CERKL: variants seen among roughly 807,000 people sequenced by gnomAD.
The protein encoded by CERKL is ceramide kinase-like protein.
In CERKL, 61 loss-of-function variants were observed where a neutral mutation model predicts 63.4. The ratio of observed to expected loss-of-function variants is 0.96; its 90% CI spans 0.78 to 1.19. The LOEUF is 1.19. Ranked by LOEUF, CERKL falls within the 50% of genes most tolerant of loss-of-function variation. The pLI is 0.00. For missense variants in CERKL, 675 were observed against 655.5 expected, an observed-to-expected ratio of 1.03 and a Z score of -0.33; for synonymous variants, 250 against 230.5, an observed-to-expected ratio of 1.08 and a Z score of -0.77.
chr2:181,628,194 C>T (rs983868341), intron 1 of CERKL, among the ~76,000 whole-genome samples: 2 of 152,070 alleles, frequency 1.3e-5, no homozygotes, highest in Non-Finnish European at 2.9e-5. Context: ...AACGCAACAC[C>T]ATCAACTTCA....
chr2:181,629,642 A>G (rs904458206), intron 1 of CERKL, among the ~76,000 whole-genome samples: 1 of 152,158 alleles, frequency 6.6e-6, no homozygotes, highest in Non-Finnish European at 1.5e-5. Context: ...GCAAAAAAAA[A>G]AAAACTCAGT....
chr2:181,569,782 ATATCTCAATGACTCC>A (rs1688823380), intron 3 of CERKL, among the ~76,000 whole-genome samples: 1 of 152,176 alleles, frequency 6.6e-6, no homozygotes, highest in African/African-American at 2.4e-5. Context: ...CTCTCTTCAA[ATATCTCAATGACTCC>A]TATACAATAG....
At chr2:181,591,391 A>G (rs1405962215) in intron 2 of CERKL, among the ~76,000 whole-genome samples, 1 of 151,926 alleles carries the variant, frequency 6.6e-6, no homozygotes, top group Non-Finnish European at 1.5e-5. Context: ...GAAGATAGAG[A>G]GAAAAAAACT....
intron 1 of CERKL, among the ~76,000 whole-genome samples, chr2:181,626,948 G>A (rs1574512947): frequency 6.6e-6 from 1 of 152,232 alleles, no homozygotes; most frequent in East Asian, 1.9e-4. Flanking sequence ...TGATATGAGA[G>A]TAGCTGGATT....
intron 5 of CERKL, among the ~76,000 whole-genome samples, chr2:181,555,386 C>T (rs763662230): frequency 2.6e-5 from 4 of 152,132 alleles, no homozygotes; most frequent in Non-Finnish European, 5.9e-5. Context: ...CAAAATGCAT[C>T]ATTTTTCTCT....
chr2:181,646,712 AAG>A (rs1687686476), intron 1 of CERKL, among the ~76,000 whole-genome samples: 2 of 152,204 alleles, frequency 1.3e-5, no homozygotes. Flanking sequence ...TACAAAAACC[AAG>A]AGAGTTAAGT....
intron 3 of CERKL, 145 bp downstream of exon 3, chr2:181,573,608 G>A (rs564088335): frequency 1.1e-5 from 5 of 463,706 alleles, no homozygotes; most frequent in Non-Finnish European, 1.9e-5. Flanking sequence ...TATAACCCTC[G>A]AGCTGGCTGC....
At chr2:181,598,931 A>G (rs1010846032) in intron 2 of CERKL, among the ~76,000 whole-genome samples, 5 of 152,150 alleles carry the variant, frequency 3.3e-5, no homozygotes, top group African/African-American at 1.2e-4. Context: ...ATAAGAATCA[A>G]CAGCTCCCTC....
intron 1 of CERKL, among the ~76,000 whole-genome samples, chr2:181,641,257 C>T (rs967678022): frequency 6.1e-5 from 9 of 146,750 alleles, no homozygotes; most frequent in Non-Finnish European, 1.0e-4. Context: ...TTTGTACACA[C>T]AAAATATGTT....
intron 1 of CERKL, among the ~76,000 whole-genome samples, chr2:181,618,665 G>A (rs1686319591): frequency 6.6e-6 from 1 of 152,116 alleles, no homozygotes; most frequent in Non-Finnish European, 1.5e-5. Context: ...ACCCGCCTCG[G>A]CCTCGCATAG....
At chr2:181,616,454 C>T (rs555442710) in intron 1 of CERKL, among the ~76,000 whole-genome samples, 7 of 152,116 alleles carry the variant, frequency 4.6e-5, no homozygotes, top group South Asian at 2.1e-4. Flanking sequence ...CCTCGTGATC[C>T]GCCTGCCTCG....
chr2:181,586,069 T>C (rs1301082291), intron 2 of CERKL, among the ~76,000 whole-genome samples: 1 of 152,088 alleles, frequency 6.6e-6, no homozygotes, highest in Non-Finnish European at 1.5e-5. Context: ...AATGATGCAG[T>C]AAACCTATCT....
chr2:181,603,069 A>G (rs774980783), intron 2 of CERKL: 1 of 246,584 alleles, frequency 4.1e-6, no homozygotes, highest in South Asian at 4.2e-5. Context: ...ATTAAGAGAT[A>G]TATCCTAATA....
Position 181,649,264 on chromosome 2 carries a change from T to C in CERKL, c.238+7505A>G, listed in dbSNP as rs994089356. On this transcript the variant is annotated intron_variant, in intron 1 of 12. Coordinates refer to ENST00000410087, the MANE Select transcript of CERKL (RefSeq NM_201548.5). ...GTGAGCAGGAGTAGCAATACTCATA[T>C]CAGACAAAATAGACTTTAAGTCAAA... is the stretch of plus-strand genomic sequence containing the variant. Among the ~76,000 whole-genome samples the C allele has an allele frequency of 7.2e-5, 11 of 152,156 alleles. No individual in the cohort carries two copies. In the South Asian group the frequency reaches 1.0e-3, roughly 14 times the overall value.
At chr2:181,615,790 C>A (rs1054764112) in intron 1 of CERKL, among the ~76,000 whole-genome samples, 5 of 152,212 alleles carry the variant, frequency 3.3e-5, no homozygotes, top group Non-Finnish European at 7.4e-5. Flanking sequence ...TCAGGTTAAA[C>A]TAGGGTTTAA....
intron 5 of CERKL, among the ~76,000 whole-genome samples, chr2:181,552,364 C>G (rs1688022961): frequency 6.6e-6 from 1 of 152,118 alleles, no homozygotes; most frequent in South Asian, 2.1e-4. Context: ...TGGTTTCCCC[C>G]ATGCTGTTCT....
At chr2:181,588,506 T>C (rs1407632555) in intron 2 of CERKL, among the ~76,000 whole-genome samples, 1 of 152,198 alleles carries the variant, frequency 6.6e-6, no homozygotes, top group Non-Finnish European at 1.5e-5. Flanking sequence ...CATTGATAGA[T>C]ACTCAGATTG....
chr2:181,650,161 G>GGAAA, intron 1 of CERKL: 1 of 135,738 alleles, frequency 7.4e-6, no homozygotes, highest in African/African-American at 3.0e-5. Context: ...AAGGAAGGAA[G>GGAAA]GAAAGAAGGA....
At chr2:181,586,635 G>T (rs1218488857) in intron 2 of CERKL, among the ~76,000 whole-genome samples, 1 of 152,114 alleles carries the variant, frequency 6.6e-6, no homozygotes, top group Non-Finnish European at 1.5e-5. Context: ...TTTTTAGCAC[G>T]CCAGTTTGCA....
Sources: gnomAD v4.1 joint callset for allele counts (sites outside exome capture counted in the v4.1 genomes callset) on GRCh38, gnomAD v4.1.1 for gene constraint, MANE v1.5 for transcripts, NCBI Gene and HGNC (gene_info 2026-07-23, HGNC 2026-07-21) for gene names.